COPA: variants seen among roughly 807,000 people sequenced by gnomAD.
COPA encodes coatomer subunit alpha.
In COPA, 10 loss-of-function variants were observed where a neutral mutation model predicts 158.7. The observed-to-expected ratio is 0.06, with a 90% CI of 0.04 to 0.11. The LOEUF is 0.11. Ranked by LOEUF, COPA falls within the 10% of genes least tolerant of loss-of-function variation. The probability of loss-of-function intolerance (pLI) is 1.00; values close to 1 mark genes in which losing one functional copy is unlikely to be tolerated. For missense variants in COPA, 1,065 were observed against 1,536.7 expected (o/e 0.69, Z 5.13); for synonymous variants, 462 against 542.8 (o/e 0.85, Z 2.07).
intron 3 of COPA, among the ~76,000 whole-genome samples, chr1:160,336,034 C>G (rs1237227561): frequency 6.8e-6 from 1 of 147,770 alleles, no homozygotes; most frequent in East Asian, 2.0e-4. Context: ...CCCTTAAGTG[C>G]TTTACCCATC....
chr1:160,341,462 A>T (rs1308980867), intron 1 of COPA, among the ~76,000 whole-genome samples: 2 of 152,240 alleles, frequency 1.3e-5, no homozygotes, highest in East Asian at 3.8e-4. Context: ...CCTACTGAAG[A>T]TACTTCTACA....
chr1:160,318,816 CTATCTA>C (rs1401150767), intron 8 of COPA, among the ~76,000 whole-genome samples: 2 of 151,946 alleles, frequency 1.3e-5, no homozygotes, highest in East Asian at 1.9e-4. Flanking sequence ...ATACCTTATT[CTATCTA>C]TAAGATTTTT....
intron 6 of COPA, chr1:160,325,956 A>T (rs1450901293): frequency 4.1e-6 from 1 of 245,194 alleles, no homozygotes; most frequent in Non-Finnish European, 8.0e-6. Flanking sequence ...TTACCTCAAG[A>T]GGTGTCTGCT....
chr1:160,304,776 A>G (rs1426285529), intron 17 of COPA, among the ~76,000 whole-genome samples: 1 of 152,232 alleles, frequency 6.6e-6, no homozygotes, highest in Admixed American at 6.5e-5. Context: ...GTACCCCAGA[A>G]AACAGGTAAA....
intron 8 of COPA, among the ~76,000 whole-genome samples, chr1:160,322,085 AT>A (rs1434253819): frequency 1.3e-5 from 2 of 152,184 alleles, no homozygotes; most frequent in African/African-American, 4.8e-5. Context: ...TATCAAAGAC[AT>A]TCTTCACAGA....
At chr1:160,295,272 C>A (rs531975328) in intron 23 of COPA, among the ~76,000 whole-genome samples, 6 of 152,234 alleles carry the variant, frequency 3.9e-5, no homozygotes, top group South Asian at 4.1e-4. Context: ...TCTGTTTAGG[C>A]TCTTACTCAC....
At chr1:160,327,813 C>T (rs913881359) in intron 6 of COPA, among the ~76,000 whole-genome samples, 5 of 151,384 alleles carry the variant, frequency 3.3e-5, no homozygotes, top group African/African-American at 1.2e-4. Context: ...AGCTGAGATC[C>T]CGCCACTGCA....
rs759621411 is a variant in COPA at position 160,305,688 on chromosome 1, C to T, written c.1528G>A (p.Ala510Thr). The T allele has an allele frequency of 1.4e-5, 22 of 1,613,952 alleles. No individual in the cohort carries two copies. The highest frequency in any genetic ancestry group is 8.0e-5 in the African/African-American group (6 of 74,890). The part of the protein sequence containing the change: ...MSHVALLAKH[A>T]IVICNRKLDA... ...CAGGGTGGATATAATGAAGACTCACCGTGTTTGGCTAGTAGTGCTACATGT... is the reference window on the plus strand; with the variant it reads ...CAGGGTGGATATAATGAAGACTCACTGTGTTTGGCTAGTAGTGCTACATGT... The change falls in exon 16 of 33, where the codon GCC becomes ACC. Residue 510 changes from alanine (A) to threonine (T), a missense_variant and splice_region_variant. Transcript: ENST00000241704.
chr1:160,305,615 G>A, intron 16 of COPA, 44 bp from the exon 17 acceptor site: 1 of 1,614,178 alleles, frequency 6.2e-7, no homozygotes, highest in Non-Finnish European at 8.5e-7. Flanking sequence ...GATAGGGTAA[G>A]TGCCGTAGAC....
Position 160,307,301 on chromosome 1 carries a change from A to G in COPA, c.1220-56T>C. ...ATGTGGTGAGTCACTGGCAGGTGAC[A>G]TAGTCGGGTGCCATGGAGCTGCCAG... On this transcript the variant is annotated intron_variant, in intron 13 of 32. Coordinates refer to ENST00000241704, the MANE Select transcript of COPA (RefSeq NM_004371.4). 4 of 1,530,040 alleles carry G rather than the reference A, an allele frequency of 2.6e-6. No homozygotes were observed. In the East Asian group the frequency reaches 6.8e-5, roughly 26 times the overall value. 94.8% of individuals were successfully genotyped at this position (1,530,040 alleles called of 1,614,324 possible).
In COPA at chr1:160,323,147, A is replaced by G. The variant is rs139260366; in HGVS notation, c.706+284T>C. 7.8e-4 allele frequency among the ~76,000 whole-genome samples: 119 copies of G among 152,294 alleles called. 1 individual carries two copies. Among genetic ancestry groups the G allele is most frequent in the African/African-American group, 2.8e-3 (115 of 41,578 alleles). On this transcript the variant is annotated intron_variant, in intron 8 of 32. Coordinates refer to ENST00000241704, the MANE Select transcript of COPA (RefSeq NM_004371.4). Reference sequence around the variant, plus strand: ...TGGCATGTTCTCACTCACATGTGGAAGCTAAAAAGTGGATATTATTAAGAT... The same window carrying G: ...TGGCATGTTCTCACTCACATGTGGAGGCTAAAAAGTGGATATTATTAAGAT...
chr1:160,339,854 C>G lies in COPA; in HGVS notation c.228+55G>C, dbSNP rs1291879979. ...GTCTTTCAGTTCCTTTCATGATTCC[C>G]AAACCTTCCCACATCCTCTTTCCTT... On this transcript the variant is annotated intron_variant, in intron 3 of 32. Transcript: ENST00000241704. 15 of 1,535,244 alleles carry G rather than the reference C, an allele frequency of 9.8e-6. No homozygotes were observed. The East Asian group carries it at 1.4e-4, about 14-fold the overall frequency.
chr1:160,322,295 G>C (rs928463301), intron 8 of COPA, among the ~76,000 whole-genome samples: 18 of 152,136 alleles, frequency 1.2e-4, no homozygotes, highest in African/African-American at 4.1e-4. Context: ...AGAGGACCCA[G>C]ATATAAATCC....
chr1:160,305,335 G>T (rs1360681477), intron 17 of COPA, 98 bp downstream of exon 17: 1 of 1,287,010 alleles, frequency 7.8e-7, no homozygotes, highest in African/African-American at 1.5e-5. Flanking sequence ...GCTTTTCCAT[G>T]AAGAAAATTC....
chr1:160,328,303 A>G (rs896940997), intron 6 of COPA, among the ~76,000 whole-genome samples: 1 of 152,244 alleles, frequency 6.6e-6, no homozygotes, highest in Non-Finnish European at 1.5e-5. Flanking sequence ...CAACAAACAC[A>G]TTAAAAGGAA....
chr1:160,302,741 A>G (rs997590169), intron 17 of COPA, among the ~76,000 whole-genome samples: 8 of 151,512 alleles, frequency 5.3e-5, no homozygotes, highest in Non-Finnish European at 8.8e-5. Flanking sequence ...TTTTTAGTAG[A>G]GATGGGGTTT....
intron 7 of COPA, 121 bp downstream of exon 7, chr1:160,325,422 G>A: frequency 1.2e-6 from 1 of 818,548 alleles, no homozygotes. Flanking sequence ...ACCTCAAACA[G>A]TGCCTGGCAC....
At chr1:160,312,930 G>GA (rs72188207) in intron 10 of COPA, among the ~76,000 whole-genome samples, 155 bp downstream of exon 10, 2,118 of 152,056 alleles carry the variant, frequency 0.014, 48 homozygotes, top group African/African-American at 0.042. Flanking sequence ...TAAAGTGGAA[G>GA]AAAAAAAGGA....
chr1:160,323,665 C>T, intron 7 of COPA, 135 bp from the exon 8 acceptor site: 6 of 511,828 alleles, frequency 1.2e-5, no homozygotes. Context: ...CTACGCTGCT[C>T]TAAAATTTTG....
Sources: allele counts gnomAD v4.1 joint callset (sites outside exome capture counted in the v4.1 genomes callset), GRCh38; gene constraint gnomAD v4.1.1; transcripts MANE v1.5; gene names NCBI Gene and HGNC (gene_info 2026-07-23, HGNC 2026-07-21).